REEP1: variants seen among roughly 807,000 people sequenced by gnomAD.
REEP1 encodes receptor accessory protein 1, also known as receptor expression-enhancing protein 1.
Under a neutral mutation model 40.3 loss-of-function variants are expected in REEP1, and 22 were observed. The observed-to-expected ratio is 0.55, with a 90% CI of 0.39 to 0.78. REEP1 has a LOEUF of 0.78. Ranked by LOEUF, REEP1 falls within the 30% of genes least tolerant of loss-of-function variation. The pLI, the probability that REEP1 is intolerant of heterozygous loss-of-function variation, is 0.00. For missense variants in REEP1, 280 were observed against 361.1 expected, an observed-to-expected ratio of 0.78 and a Z score of 1.82; for synonymous variants, 116 against 139.2, an observed-to-expected ratio of 0.83 and a Z score of 1.17.
intron 2 of REEP1, 99 bp from the exon 3 acceptor site, chr2:86,264,140 G>T (rs374771445): frequency 7.1e-6 from 6 of 844,432 alleles, no homozygotes; most frequent in Non-Finnish European, 1.2e-5. Context: ...ACGGAGGCAC[G>T]TCCAGGTGGT....
chr2:86,274,467 GA>G (rs1677630721), intron 2 of REEP1, among the ~76,000 whole-genome samples: 1 of 152,220 alleles, frequency 6.6e-6, no homozygotes, highest in Non-Finnish European at 1.5e-5. Flanking sequence ...AAGGATCTGA[GA>G]ATGACTCATT....
At chr2:86,288,099 T>C (rs1678501371) in intron 1 of REEP1, among the ~76,000 whole-genome samples, 1 of 151,738 alleles carries the variant, frequency 6.6e-6, no homozygotes, top group Admixed American at 6.6e-5. Flanking sequence ...CTCAGCTCAC[T>C]ACAACCTCCA....
chr2:86,331,861 C>T (rs1281077196), intron 1 of REEP1, among the ~76,000 whole-genome samples: 1 of 152,158 alleles, frequency 6.6e-6, no homozygotes, highest in African/African-American at 2.4e-5. Flanking sequence ...CTGCATAAAG[C>T]ACTCTTGGGA....
intron 1 of REEP1, among the ~76,000 whole-genome samples, chr2:86,296,787 G>A (rs1247230652): frequency 6.6e-6 from 1 of 152,148 alleles, no homozygotes; most frequent in East Asian, 1.9e-4. Flanking sequence ...AACTGGGGAG[G>A]TGGAGGTTGC....
rs148562557 is a variant in REEP1 at position 86,273,999 on chromosome 2, A to G, written c.105+8171T>C. Among the ~76,000 whole-genome samples, 105 of 152,366 alleles carry G rather than the reference A, an allele frequency of 6.9e-4. 3 individuals are homozygous for G. In the South Asian group the frequency reaches 0.013, roughly 18 times the overall value. ...CAAATGACCGGATTAGAATGCTGGC[A>G]CTGTGAATGGGACAGAAAGAATGGT... On this transcript the variant is annotated intron_variant, in intron 2 of 8. Transcript: ENST00000538924.
chr2:86,229,982 T>C (rs1338258277), intron 6 of REEP1, among the ~76,000 whole-genome samples: 1 of 152,214 alleles, frequency 6.6e-6, no homozygotes, highest in East Asian at 1.9e-4. Flanking sequence ...ACACTGTCCT[T>C]GGCCTCCCTG....
chr2:86,296,592 C>T (rs560791859), intron 1 of REEP1, among the ~76,000 whole-genome samples: 1 of 152,366 alleles, frequency 6.6e-6, no homozygotes, highest in African/African-American at 2.4e-5. Flanking sequence ...CATAGTGGCT[C>T]ATGCCTGTAA....
At chr2:86,217,670 T>C (rs1200318913) in intron 8 of REEP1, among the ~76,000 whole-genome samples, 2 of 55,780 alleles carry the variant, frequency 3.6e-5, no homozygotes, top group Non-Finnish European at 1.6e-4. Context: ...TTTCAGATTT[T>C]TTTTTTTTTT....
At chr2:86,320,820 G>A (rs1057417051) in intron 1 of REEP1, among the ~76,000 whole-genome samples, 3 of 152,148 alleles carry the variant, frequency 2.0e-5, no homozygotes, top group South Asian at 4.1e-4. Flanking sequence ...TCAGAAATAA[G>A]AAATGAAGAG....
chr2:86,257,166 G>A (rs946625342), intron 3 of REEP1, among the ~76,000 whole-genome samples: 6 of 152,136 alleles, frequency 3.9e-5, no homozygotes, highest in African/African-American at 1.4e-4. Flanking sequence ...GATTAATAAC[G>A]GAGGAACTTC....
intron 1 of REEP1, among the ~76,000 whole-genome samples, chr2:86,335,678 G>A (rs1028540451): frequency 6.6e-6 from 1 of 151,938 alleles, no homozygotes; most frequent in African/African-American, 2.4e-5. Flanking sequence ...GTGAAACCCC[G>A]TCTCTACTAA....
chr2:86,334,869 A>T (rs1485565609), intron 1 of REEP1, among the ~76,000 whole-genome samples: 1 of 152,184 alleles, frequency 6.6e-6, no homozygotes, highest in Non-Finnish European at 1.5e-5. Flanking sequence ...GGTGCTTGGC[A>T]ATTTATATAT....
At chr2:86,318,226 T>C (rs1680115253) in intron 1 of REEP1, among the ~76,000 whole-genome samples, 1 of 152,086 alleles carries the variant, frequency 6.6e-6, no homozygotes, top group Admixed American at 6.6e-5. Flanking sequence ...TTAAAAATCA[T>C]ACAGAAAAGA....
chr2:86,266,160 T>A (rs1351039086), intron 2 of REEP1, among the ~76,000 whole-genome samples: 1 of 152,228 alleles, frequency 6.6e-6, no homozygotes, highest in African/African-American at 2.4e-5. Flanking sequence ...GTTAACTAGA[T>A]ATCCACATGT....
chr2:86,217,875 A>G (rs574136601), intron 8 of REEP1, among the ~76,000 whole-genome samples: 1 of 152,140 alleles, frequency 6.6e-6, no homozygotes, highest in South Asian at 2.1e-4. Context: ...GACTCTCAAG[A>G]GACCCCTCCT....
chr2:86,310,503 AATC>A (rs1355545405), intron 1 of REEP1, among the ~76,000 whole-genome samples: 1 of 152,138 alleles, frequency 6.6e-6, no homozygotes, highest in African/African-American at 2.4e-5. Flanking sequence ...ACAATGAAAA[AATC>A]ATCTAGTGAC....
intron 1 of REEP1, among the ~76,000 whole-genome samples, chr2:86,335,494 A>T (rs2104555108): frequency 6.6e-6 from 1 of 152,230 alleles, no homozygotes; most frequent in African/African-American, 2.4e-5. Flanking sequence ...GCAACAGCAC[A>T]TCCCTGAGAC....
chr2:86,245,410 G>A (rs1261235201), intron 5 of REEP1, among the ~76,000 whole-genome samples: 1 of 152,176 alleles, frequency 6.6e-6, no homozygotes, highest in African/African-American at 2.4e-5. Flanking sequence ...GTGGACAGAC[G>A]TGCAGGCTCC....
At chr2:86,279,732 A>G (rs914785615) in intron 2 of REEP1, among the ~76,000 whole-genome samples, 5 of 152,192 alleles carry the variant, frequency 3.3e-5, no homozygotes, top group African/African-American at 1.2e-4. Flanking sequence ...AAAGGGGCAC[A>G]AGCCTAAGAA....
Sources: allele counts gnomAD v4.1 joint callset (sites outside exome capture counted in the v4.1 genomes callset), GRCh38; gene constraint gnomAD v4.1.1; transcripts MANE v1.5; gene names NCBI Gene and HGNC (gene_info 2026-07-23, HGNC 2026-07-21).